MPP4: variants seen among roughly 807,000 people sequenced by gnomAD.
MPP4 encodes the protein MAGUK p55 subfamily member 4.
Under a neutral mutation model 98.3 loss-of-function variants are expected in MPP4, and 91 were observed. The observed-to-expected ratio is 0.93, with a 90% CI of 0.78 to 1.10. The LOEUF (loss-of-function observed/expected upper bound fraction) is 1.10. Ranked by LOEUF, MPP4 falls within the 50% of genes least tolerant of loss-of-function variation. The probability of loss-of-function intolerance (pLI) is 0.00; values close to 1 mark genes in which losing one functional copy is unlikely to be tolerated. For missense variants in MPP4, 744 were observed against 792.9 expected (o/e 0.94, Z 0.74); for synonymous variants, 261 against 271.8 (o/e 0.96, Z 0.39).
intron 17 of MPP4, among the ~76,000 whole-genome samples, chr2:201,655,884 A>T (rs1687832478): frequency 6.6e-6 from 1 of 152,168 alleles, no homozygotes; most frequent in Admixed American, 6.5e-5. Flanking sequence ...GTCTGGGGAA[A>T]CACTCATCTA....
intron 13 of MPP4, chr2:201,664,316 C>A: frequency 6.9e-7 from 1 of 1,453,462 alleles, no homozygotes; most frequent in Non-Finnish European, 9.2e-7. Context: ...GCCATGATGA[C>A]AGTCAGGGGT....
chr2:201,655,725 A>G (rs1687829444), intron 17 of MPP4, among the ~76,000 whole-genome samples: 2 of 152,218 alleles, frequency 1.3e-5, no homozygotes, highest in Non-Finnish European at 2.9e-5. Context: ...ATCTTTATAA[A>G]GCACCAAAGA....
chr2:201,688,148 C>CT (rs60874988), intron 4 of MPP4, among the ~76,000 whole-genome samples: 1 of 152,052 alleles, frequency 6.6e-6, no homozygotes, highest in Non-Finnish European at 1.5e-5. Context: ...TTTTTTCTTT[C>CT]TTTTTTGCTG....
intron 16 of MPP4, among the ~76,000 whole-genome samples, chr2:201,657,128 G>A (rs78073280): frequency 6.6e-6 from 1 of 152,188 alleles, no homozygotes; most frequent in African/African-American, 2.4e-5. Flanking sequence ...CCTCAGGAGA[G>A]AGCAGTTAGG....
intron 10 of MPP4, among the ~76,000 whole-genome samples, chr2:201,679,601 C>T (rs1173277344): frequency 6.6e-6 from 1 of 152,144 alleles, no homozygotes; most frequent in East Asian, 1.9e-4. Context: ...TAGGTCAGGC[C>T]AAGCTCTCTT....
At chr2:201,658,553 G>T in intron 15 of MPP4, 35 bp from the exon 16 acceptor site, 1 of 1,587,242 alleles carries the variant, frequency 6.3e-7, no homozygotes, top group Non-Finnish European at 8.6e-7. Flanking sequence ...CAGAATATGT[G>T]AGAGCGAGAA....
chr2:201,683,612 G>A (rs13428962), intron 7 of MPP4, among the ~76,000 whole-genome samples: 18,294 of 151,948 alleles, frequency 0.12, 1,224 homozygotes, highest in African/African-American at 0.16. Context: ...ATTAGCTGGG[G>A]GTGGAGGTAC....
chr2:201,655,567 C>T (rs577572184), intron 17 of MPP4, among the ~76,000 whole-genome samples: 2 of 152,168 alleles, frequency 1.3e-5, no homozygotes, highest in African/African-American at 2.4e-5. Flanking sequence ...TAAGGCACAT[C>T]GTTCTGCTCT....
rs767640680 is a variant in MPP4 at position 201,645,301 on chromosome 2, C to T, written c.1823G>A (p.Cys608Tyr). The change falls in exon 22 of 22, where the codon TGT becomes TAT. Residue 608 changes from cysteine to tyrosine, a missense_variant. Cys to Tyr is a radical substitution (Grantham distance 194). Coordinates refer to ENST00000409474, the MANE Select transcript of MPP4 (RefSeq NM_033066.3). ...CTGTATGGCAGACAACAACTGGGCACATGCATCGTGCAAGCTGTCATTCAC... is the reference window on the plus strand; with the variant it reads ...CTGTATGGCAGACAACAACTGGGCATATGCATCGTGCAAGCTGTCATTCAC... ...VIVNDSLHDA[C>Y]AQLLSAIQKA... 6.2e-7 allele frequency: 1 copy of T among 1,613,914 alleles called. No individual in the cohort carries two copies. Among genetic ancestry groups the T allele is most frequent in the South Asian group, 1.1e-5 (1 of 91,090 alleles).
chr2:201,687,402 A>C, intron 4 of MPP4, 31 bp from the exon 5 acceptor site: 1 of 1,528,966 alleles, frequency 6.5e-7, no homozygotes, highest in African/African-American at 1.4e-5. Context: ...CATTATAAAA[A>C]TTTTAAAAAA....
At chr2:201,675,402 A>G in intron 10 of MPP4, 131 bp from the exon 11 acceptor site, 6 of 862,104 alleles carry the variant, frequency 7.0e-6, no homozygotes, top group Non-Finnish European at 9.1e-6. Context: ...TCAAGTGAAA[A>G]GGGTGATTGC....
Position 201,649,698 on chromosome 2 carries a change from C to T in MPP4, c.1476-14G>A, listed in dbSNP as rs760376550. On this transcript the variant is annotated splice_polypyrimidine_tract_variant and intron_variant, in intron 19 of 21. Coordinates refer to ENST00000409474, the MANE Select transcript of MPP4 (RefSeq NM_033066.3). The stretch of plus-strand genomic sequence containing the variant: ...TACTCCAGCATCCTGCAAGAGCAGG[C>T]CAAACAAAACAGAACACTTTCTACA... 6.4e-7 allele frequency: 1 copy of T among 1,566,338 alleles called. No individual in the cohort carries two copies. The highest frequency in any genetic ancestry group is 1.1e-5 in the South Asian group (1 of 87,458).
At chr2:201,660,778 T>A (rs1359278870) in intron 14 of MPP4, among the ~76,000 whole-genome samples, 1 of 152,162 alleles carries the variant, frequency 6.6e-6, no homozygotes, top group East Asian at 1.9e-4. Context: ...TGCAGCAGCC[T>A]CTGGCCCAAG....
chr2:201,656,092 G>A, intron 17 of MPP4, 106 bp downstream of exon 17: 1 of 1,219,280 alleles, frequency 8.2e-7, no homozygotes, highest in Non-Finnish European at 1.1e-6. Context: ...TTTGTATGGG[G>A]GTCCATAAAG....
At chr2:201,694,199 A>G in intron 1 of MPP4, 145 bp from the exon 2 acceptor site, 3 of 723,152 alleles carry the variant, frequency 4.1e-6, no homozygotes, top group Non-Finnish European at 4.2e-6. Context: ...CGACTATTGC[A>G]TAAAATGCTC....
At chr2:201,654,740 T>C (rs1687808276) in intron 18 of MPP4, 97 bp downstream of exon 18, 1 of 765,048 alleles carries the variant, frequency 1.3e-6, no homozygotes, top group Non-Finnish European at 2.0e-6. Context: ...TGGTGTTGTA[T>C]ACTTTTACAA....
intron 7 of MPP4, among the ~76,000 whole-genome samples, chr2:201,684,783 T>G (rs974033750): frequency 6.6e-6 from 1 of 151,660 alleles, no homozygotes; most frequent in Non-Finnish European, 1.5e-5. Flanking sequence ...ACCCCGTCTC[T>G]ACTAAAAATA....
At chr2:201,683,783 A>C (rs1688734751) in intron 7 of MPP4, among the ~76,000 whole-genome samples, 1 of 151,370 alleles carries the variant, frequency 6.6e-6, no homozygotes, top group Admixed American at 6.6e-5. Flanking sequence ...AAGAAAACTG[A>C]GGAGGAAGGA....
At chr2:201,681,822 C>G (rs1396767231) in intron 8 of MPP4, among the ~76,000 whole-genome samples, 1 of 149,356 alleles carries the variant, frequency 6.7e-6, no homozygotes, top group Non-Finnish European at 1.5e-5. Context: ...TTCCAGGGAC[C>G]CCCCCCCACC....
Sources: gnomAD v4.1 joint callset for allele counts (sites outside exome capture counted in the v4.1 genomes callset) on GRCh38, gnomAD v4.1.1 for gene constraint, MANE v1.5 for transcripts, NCBI Gene and HGNC (gene_info 2026-07-23, HGNC 2026-07-21) for gene names.